The following ADCY2 variants were observed in gnomAD, a reference collection of about 807,000 sequenced individuals.
The protein encoded by ADCY2 is adenylate cyclase type 2.
Under a neutral mutation model 125.2 loss-of-function variants are expected in ADCY2, and 31 were observed. The observed-to-expected ratio is 0.25, with a 90% confidence interval of 0.19 to 0.33. ADCY2 has a LOEUF of 0.33. ADCY2 is among the 10% of genes least tolerant of loss of function. ADCY2 has a pLI of 1.00. For synonymous variants in ADCY2, 512 were observed against 548.4 expected (o/e 0.93, Z 0.93); for missense variants, 904 against 1,418.2 (o/e 0.64, Z 5.82).
intron 3 of ADCY2, among the ~76,000 whole-genome samples, chr5:7,556,730 C>T (rs1363295967): frequency 1.3e-5 from 2 of 152,126 alleles, no homozygotes; most frequent in South Asian, 2.1e-4. Context: ...GCCTCTGTTA[C>T]AACAGCAGCA....
chr5:7,533,308 C>G (rs987104616), intron 3 of ADCY2, among the ~76,000 whole-genome samples: 1 of 151,494 alleles, frequency 6.6e-6, no homozygotes. Flanking sequence ...TGTTAATTCC[C>G]TCTGTATTTG....
chr5:7,413,592 C>T (rs1421073027), intron 1 of ADCY2, among the ~76,000 whole-genome samples: 1 of 146,872 alleles, frequency 6.8e-6, no homozygotes, highest in East Asian at 1.9e-4. Context: ...GCCACCGCAC[C>T]CGGCCGGTTT....
chr5:7,659,120 A>G (rs1340741210), intron 4 of ADCY2, among the ~76,000 whole-genome samples: 1 of 152,258 alleles, frequency 6.6e-6, no homozygotes, highest in Non-Finnish European at 1.5e-5. Flanking sequence ...AAATATTTCA[A>G]TGTGCTAATA....
intron 14 of ADCY2, among the ~76,000 whole-genome samples, chr5:7,732,279 A>G (rs950028785): frequency 1.3e-5 from 2 of 152,218 alleles, no homozygotes; most frequent in African/African-American, 4.8e-5. Flanking sequence ...TCAGATGGTT[A>G]TCTTCCCTAA....
At chr5:7,809,262 G>A (rs879405096) in intron 22 of ADCY2, among the ~76,000 whole-genome samples, 16 of 152,190 alleles carry the variant, frequency 1.1e-4, no homozygotes, top group African/African-American at 2.7e-4. Flanking sequence ...TCTCAGTACT[G>A]TATGTGCTAT....
intron 2 of ADCY2, among the ~76,000 whole-genome samples, chr5:7,480,739 C>G (rs1579486663): frequency 1.1e-5 from 1 of 91,638 alleles, no homozygotes. Flanking sequence ...TGCACATGTA[C>G]CCCTGAACTT....
intron 14 of ADCY2, among the ~76,000 whole-genome samples, chr5:7,728,407 C>G (rs1741998092): frequency 6.6e-6 from 1 of 152,156 alleles, no homozygotes; most frequent in African/African-American, 2.4e-5. Context: ...AATGTGCTCC[C>G]TTGTGGAAGG....
intron 14 of ADCY2, among the ~76,000 whole-genome samples, chr5:7,731,523 G>C (rs986847466): frequency 1.3e-5 from 2 of 151,516 alleles, no homozygotes; most frequent in Non-Finnish European, 2.9e-5. Flanking sequence ...CCAAAGTGCT[G>C]GGATTATAGG....
intron 2 of ADCY2, among the ~76,000 whole-genome samples, chr5:7,507,451 A>T (rs1486519628): frequency 1.4e-5 from 2 of 147,560 alleles, no homozygotes; most frequent in Admixed American, 6.7e-5. Context: ...AAAAAAAAAA[A>T]AAAAAAAAAA....
chr5:7,460,426 A>G (rs938366781), intron 2 of ADCY2, among the ~76,000 whole-genome samples: 1 of 152,184 alleles, frequency 6.6e-6, no homozygotes, highest in Admixed American at 6.5e-5. Flanking sequence ...AAATGCTGCC[A>G]ACATACACTA....
At chr5:7,797,652 C>T (rs1744465687) in intron 20 of ADCY2, 1 of 152,242 alleles carries the variant, frequency 6.6e-6, no homozygotes, top group African/African-American at 2.4e-5. Flanking sequence ...CACTAAGAGA[C>T]GCTTGCTCTC....
At chr5:7,656,709 T>C (rs1282439200) in intron 4 of ADCY2, among the ~76,000 whole-genome samples, 2 of 152,174 alleles carry the variant, frequency 1.3e-5, no homozygotes, top group African/African-American at 4.8e-5. Context: ...GTGGGAAGGA[T>C]GTGAGGGAGT....
chr5:7,806,549 C>A (rs990870390), intron 22 of ADCY2, among the ~76,000 whole-genome samples: 2 of 152,200 alleles, frequency 1.3e-5, no homozygotes, highest in Non-Finnish European at 2.9e-5. Flanking sequence ...GAGGGCTCCT[C>A]TTCTGTCTTG....
chr5:7,439,088 T>A, intron 2 of ADCY2, among the ~76,000 whole-genome samples: 1 of 152,214 alleles, frequency 6.6e-6, no homozygotes, highest in Non-Finnish European at 1.5e-5. Context: ...AAAGCAGAAT[T>A]AGGAAGACAT....
At chr5:7,632,430 C>T (rs1738346579) in intron 4 of ADCY2, among the ~76,000 whole-genome samples, 1 of 152,002 alleles carries the variant, frequency 6.6e-6, no homozygotes, top group Non-Finnish European at 1.5e-5. Flanking sequence ...TTTTTTCATT[C>T]TGTAAATGAT....
chr5:7,666,152 A>C (rs1739716321), intron 4 of ADCY2, among the ~76,000 whole-genome samples: 1 of 150,946 alleles, frequency 6.6e-6, no homozygotes, highest in Non-Finnish European at 1.5e-5. Context: ...TTTAATTCTT[A>C]GGAAAAAAAG....
chr5:7,581,070 A>C (rs1736409637), intron 3 of ADCY2, among the ~76,000 whole-genome samples: 1 of 152,228 alleles, frequency 6.6e-6, no homozygotes, highest in South Asian at 2.1e-4. Flanking sequence ...TGAGAAAGTA[A>C]AGGAACTCCT....
chr5:7,618,966 C>T (rs1381261175), intron 3 of ADCY2, among the ~76,000 whole-genome samples: 1 of 152,120 alleles, frequency 6.6e-6, no homozygotes, highest in African/African-American at 2.4e-5. Flanking sequence ...CTTTGGGAGA[C>T]AGGGTTTGGG....
intron 3 of ADCY2, among the ~76,000 whole-genome samples, chr5:7,544,229 A>T (rs1406342475): frequency 6.6e-6 from 1 of 152,158 alleles, no homozygotes; most frequent in Non-Finnish European, 1.5e-5. Context: ...AGCAGGCAGC[A>T]TTGGTTTCCA....
Sources: allele counts gnomAD v4.1 joint callset (sites outside exome capture counted in the v4.1 genomes callset), GRCh38; gene constraint gnomAD v4.1.1; transcripts MANE v1.5; gene names NCBI Gene and HGNC (gene_info 2026-07-23, HGNC 2026-07-21).